SLC35F4: variants seen among roughly 807,000 people sequenced by gnomAD.
The protein encoded by SLC35F4 is chromosome 14 open reading frame 36.
In SLC35F4, 24 loss-of-function variants were observed where a neutral mutation model predicts 44.2. That is an observed-to-expected ratio of 0.54 (90% confidence interval 0.39 to 0.76). SLC35F4 has a LOEUF of 0.76. SLC35F4 is among the 30% of genes least tolerant of loss of function. SLC35F4 has a pLI of 0.00. For missense variants in SLC35F4, 562 were observed against 586.1 expected (o/e 0.96, Z 0.42); for synonymous variants, 238 against 223.6 (o/e 1.06, Z -0.57).
At chr14:57,935,235 T>A (rs746984900) in intron 1 of SLC35F4, among the ~76,000 whole-genome samples, 8 of 152,216 alleles carry the variant, frequency 5.3e-5, no homozygotes, top group Non-Finnish European at 7.3e-5. Context: ...GTCTCTGTTT[T>A]GTTCACAGCT....
At chr14:57,627,235 A>G (rs2072521927) in intron 1 of SLC35F4, among the ~76,000 whole-genome samples, 1 of 152,102 alleles carries the variant, frequency 6.6e-6, no homozygotes, top group Non-Finnish European at 1.5e-5. Flanking sequence ...GGATGCAAGT[A>G]TTTTATATTT....
At chr14:57,834,263 A>G (rs1243155550) in intron 1 of SLC35F4, among the ~76,000 whole-genome samples, 1 of 152,238 alleles carries the variant, frequency 6.6e-6, no homozygotes, top group African/African-American at 2.4e-5. Context: ...TTCAAACAAA[A>G]CTAACTCCTG....
chr14:57,926,636 T>G, intron 1 of SLC35F4, among the ~76,000 whole-genome samples: 1 of 146,134 alleles, frequency 6.8e-6, no homozygotes. Flanking sequence ...AAATCCCTAA[T>G]AAACCTTACA....
upstream of SLC35F4, among the ~76,000 whole-genome samples, chr14:57,866,844 AC>A (rs952167510): frequency 1.5e-4 from 23 of 151,606 alleles, no homozygotes; most frequent in East Asian, 4.3e-3. Context: ...CAGAGCGAAC[AC>A]CCTCCCCTCA....
chr14:57,590,226 C>CAAAAAAAAAAAAAAAAAAAAAAAAAA lies in SLC35F4; in HGVS notation c.290-714_290-713insTTTTTTTTTTTTTTTTTTTTTTTTTT, dbSNP rs55850524. On this transcript the variant is annotated intron_variant, in intron 2 of 7. Transcript: ENST00000556826. ...CCAAGAAAGAGAGACCTTGTCTATG[C>CAAAAAAAAAAAAAAAAAAAAAAAAAA]AAAAAAAAAAAAAAAAATTAGCCGT... Among the ~76,000 whole-genome samples, 47 of 119,158 alleles carry CAAAAAAAAAAAAAAAAAAAAAAAAAA rather than the reference C, an allele frequency of 3.9e-4. 1 individual carries two copies. Among genetic ancestry groups the CAAAAAAAAAAAAAAAAAAAAAAAAAA allele is most frequent in the Non-Finnish European group, 6.3e-4 (37 of 58,626 alleles). The allele number at this position is 119,158 out of a possible 152,430, so 78.2% of individuals were successfully genotyped here.
At chr14:57,586,620 A>C (rs997881037) in intron 3 of SLC35F4, among the ~76,000 whole-genome samples, 1 of 148,592 alleles carries the variant, frequency 6.7e-6, no homozygotes, top group Non-Finnish European at 1.5e-5. Context: ...CAGGAGGCTA[A>C]GGCAGGAGAA....
intron 1 of SLC35F4, among the ~76,000 whole-genome samples, chr14:57,740,810 G>A (rs950082404): frequency 1.6e-4 from 24 of 152,176 alleles, no homozygotes; most frequent in African/African-American, 5.1e-4. Context: ...AAAGATCTGA[G>A]AACAGACATA....
intron 1 of SLC35F4, among the ~76,000 whole-genome samples, chr14:57,676,817 A>G (rs1243815617): frequency 1.3e-5 from 2 of 152,094 alleles, no homozygotes; most frequent in Non-Finnish European, 2.9e-5. Context: ...GCTGGTGGGA[A>G]TGTAAACTAG....
intron 4 of SLC35F4, among the ~76,000 whole-genome samples, chr14:57,573,096 ATG>A: frequency 7.1e-6 from 1 of 141,812 alleles, no homozygotes; most frequent in South Asian, 2.1e-4. Context: ...TTTTTAACAT[ATG>A]TGATTTTCGG....
intron 4 of SLC35F4, chr14:57,578,741 T>C (rs545245629): frequency 9.9e-4 from 151 of 152,302 alleles, no homozygotes; most frequent in African/African-American, 3.6e-3. Flanking sequence ...ATGCTTACTA[T>C]TCTGCTATCT....
intron 3 of SLC35F4, among the ~76,000 whole-genome samples, chr14:57,582,301 T>C (rs2069339621): frequency 6.6e-6 from 1 of 152,096 alleles, no homozygotes; most frequent in South Asian, 2.1e-4. Context: ...ACTCGAGCCA[T>C]CCTCACACCT....
chr14:57,959,185 T>C (rs7152065), intron 1 of SLC35F4, among the ~76,000 whole-genome samples: 13,766 of 152,268 alleles, frequency 0.09, 679 homozygotes, highest in African/African-American at 0.12. Context: ...GTACTGCTGG[T>C]TGCAATGCCA....
At chr14:57,863,310 C>T (rs1887838142) in intron 1 of SLC35F4, among the ~76,000 whole-genome samples, 2 of 152,198 alleles carry the variant, frequency 1.3e-5, no homozygotes, top group South Asian at 2.1e-4. Context: ...TTTTTTGCAT[C>T]AGCCTGACTA....
chr14:57,664,765 C>T (rs2074252651), intron 1 of SLC35F4, among the ~76,000 whole-genome samples: 1 of 152,152 alleles, frequency 6.6e-6, no homozygotes, highest in Non-Finnish European at 1.5e-5. Flanking sequence ...TGCTTCCGTC[C>T]ATGAGTGGCA....
intron 1 of SLC35F4, among the ~76,000 whole-genome samples, chr14:57,964,991 A>AATATATAT (rs1212108605): frequency 8.4e-4 from 97 of 115,666 alleles, no homozygotes; most frequent in African/African-American, 3.4e-3. Context: ...AAAAAAAAAA[A>AATATATAT]ATATATATAT....
At chr14:57,748,344 G>A (rs1329437112) in intron 1 of SLC35F4, among the ~76,000 whole-genome samples, 1 of 151,990 alleles carries the variant, frequency 6.6e-6, no homozygotes, top group Admixed American at 6.6e-5. Flanking sequence ...ACATGTATAG[G>A]TTCATATATT....
At position 57,738,787 on chromosome 14, in the gene SLC35F4, A is replaced by ATATATATATG. The variant is rs1491518109; in HGVS notation, c.103+126935_103+126936insCATATATATA. 3.8e-3 allele frequency among the ~76,000 whole-genome samples: 366 copies of ATATATATATG among 96,894 alleles called. 6 individuals carry two copies. The highest frequency in any genetic ancestry group is 5.7e-3 in the Admixed American group (49 of 8,628). 63.6% of individuals were successfully genotyped at this position (96,894 alleles called of 152,430 possible). ...TATATATATATATATATATATATAT[A>ATATATATATG]GGCTTCATATGTATACATGTATATA... is the stretch of plus-strand genomic sequence containing the variant. On this transcript the variant is annotated intron_variant, in intron 1 of 7. Transcript: ENST00000556826.
chr14:57,980,086 C>T (rs983515757), intron 1 of SLC35F4, among the ~76,000 whole-genome samples: 4 of 152,200 alleles, frequency 2.6e-5, no homozygotes, highest in African/African-American at 4.8e-5. Flanking sequence ...TTGTATCAGA[C>T]TCTGCTTAGA....
Position 57,820,978 on chromosome 14 carries a change from A to G in SLC35F4, c.103+44745T>C, listed in dbSNP as rs149212020. 6.2e-3 allele frequency among the ~76,000 whole-genome samples: 940 copies of G among 152,324 alleles called. 11 individuals are homozygous for G. The highest frequency in any genetic ancestry group is 0.034 in the Middle Eastern group (10 of 294). On this transcript the variant is annotated intron_variant, in intron 1 of 7. Transcript: ENST00000556826. ...AAACACCTATTCTTTACTGTGACCTAAATTTTTCAGCTTGATTTACTTTAT... is the reference window on the plus strand; with the variant it reads ...AAACACCTATTCTTTACTGTGACCTGAATTTTTCAGCTTGATTTACTTTAT...
Sources: allele counts gnomAD v4.1 joint callset (sites outside exome capture counted in the v4.1 genomes callset), GRCh38; gene constraint gnomAD v4.1.1; transcripts MANE v1.5; gene names NCBI Gene and HGNC (gene_info 2026-07-23, HGNC 2026-07-21).